The following ZBTB16 variants were observed in gnomAD, a reference collection of about 807,000 sequenced individuals.
ZBTB16 encodes zinc finger and BTB domain containing 16, also known as zinc finger and BTB domain-containing protein 16.
ZBTB16 carries 8 observed loss-of-function variants against 56.8 expected under a neutral mutation model. That is an observed-to-expected ratio of 0.14 (90% CI 0.08 to 0.25). The LOEUF (loss-of-function observed/expected upper bound fraction) is 0.25, where lower values mean the gene tolerates loss of function less well. Ranked by LOEUF, ZBTB16 falls within the 10% of genes least tolerant of loss-of-function variation. The probability of loss-of-function intolerance (pLI) is 1.00; values close to 1 mark genes in which losing one functional copy is unlikely to be tolerated. For missense variants in ZBTB16, 625 were observed against 903.0 expected, an observed-to-expected ratio of 0.69 and a Z score of 3.95; for synonymous variants, 363 against 368.5, an observed-to-expected ratio of 0.98 and a Z score of 0.17.
intron 2 of ZBTB16, among the ~76,000 whole-genome samples, chr11:114,131,256 A>G (rs937488448): frequency 6.6e-6 from 1 of 152,118 alleles, no homozygotes; most frequent in Non-Finnish European, 1.5e-5. Flanking sequence ...TGAATTTCCT[A>G]TCGTGAACAG....
At chr11:114,237,536 G>C (rs1485554721) in intron 4 of ZBTB16, among the ~76,000 whole-genome samples, 2 of 152,182 alleles carry the variant, frequency 1.3e-5, no homozygotes, top group Non-Finnish European at 2.9e-5. Flanking sequence ...AGTGCTGCCG[G>C]GCCCCCCTGC....
chr11:114,202,471 A>C (rs1021651156), intron 4 of ZBTB16, among the ~76,000 whole-genome samples: 1 of 152,108 alleles, frequency 6.6e-6, no homozygotes, highest in African/African-American at 2.4e-5. Flanking sequence ...CTTCTGTGTG[A>C]CCTGGGCGAG....
intron 4 of ZBTB16, among the ~76,000 whole-genome samples, chr11:114,233,111 ACACACACACACACACT>A (rs1468848687): frequency 6.6e-4 from 46 of 69,512 alleles, no homozygotes; most frequent in African/African-American, 1.8e-3. Context: ...ACACACACAC[ACACACACACACACACT>A]CTCTCTCTCT....
intron 2 of ZBTB16, among the ~76,000 whole-genome samples, chr11:114,085,191 C>T (rs377005944): frequency 6.6e-5 from 10 of 152,188 alleles, no homozygotes; most frequent in African/African-American, 2.2e-4. Context: ...CATGGACAAA[C>T]GTACCTCAAA....
At chr11:114,156,087 C>G (rs1942401256) in intron 2 of ZBTB16, among the ~76,000 whole-genome samples, 1 of 152,224 alleles carries the variant, frequency 6.6e-6, no homozygotes. Flanking sequence ...GATTTTTTTT[C>G]TTGGTCCATG....
intron 2 of ZBTB16, among the ~76,000 whole-genome samples, 173 bp from the exon 3 acceptor site, chr11:114,156,164 A>G (rs1942403413): frequency 6.6e-6 from 1 of 152,204 alleles, no homozygotes; most frequent in African/African-American, 2.4e-5. Context: ...CCCTGGGCAG[A>G]GGGCGTGATT....
intron 2 of ZBTB16, among the ~76,000 whole-genome samples, chr11:114,091,050 G>A (rs1379415121): frequency 6.6e-6 from 1 of 152,202 alleles, no homozygotes; most frequent in African/African-American, 2.4e-5. Context: ...CGCAGACTAA[G>A]GCAATTAACC....
intron 3 of ZBTB16, among the ~76,000 whole-genome samples, chr11:114,159,860 T>G (rs1305438187): frequency 6.7e-6 from 1 of 148,186 alleles, no homozygotes; most frequent in African/African-American, 2.6e-5. Flanking sequence ...GTAGACCCAT[T>G]TTACAGATGA....
chr11:114,215,890 C>T (rs1428964565), intron 4 of ZBTB16, among the ~76,000 whole-genome samples: 4 of 152,146 alleles, frequency 2.6e-5, no homozygotes, highest in Non-Finnish European at 5.9e-5. Context: ...CTGCAATAGT[C>T]AGGGGCAGGA....
intron 5 of ZBTB16, 67 bp from the exon 6 acceptor site, chr11:114,247,131 G>A: frequency 6.2e-7 from 1 of 1,608,426 alleles, no homozygotes; most frequent in Non-Finnish European, 8.5e-7. Context: ...CACAGAATGT[G>A]CCCTACTGTC....
intron 4 of ZBTB16, among the ~76,000 whole-genome samples, chr11:114,216,811 A>G (rs890841014): frequency 1.3e-5 from 2 of 152,210 alleles, no homozygotes; most frequent in South Asian, 2.1e-4. Context: ...CATATCTACT[A>G]TGTGCTTAAA....
intron 2 of ZBTB16, among the ~76,000 whole-genome samples, chr11:114,116,038 T>C (rs1266611199): frequency 1.3e-5 from 2 of 152,222 alleles, no homozygotes; most frequent in African/African-American, 4.8e-5. Flanking sequence ...GGTTGTCTTT[T>C]ATTTGCAAGA....
At chr11:114,136,907 T>A (rs954334306) in intron 2 of ZBTB16, among the ~76,000 whole-genome samples, 7 of 152,192 alleles carry the variant, frequency 4.6e-5, no homozygotes, top group African/African-American at 1.7e-4. Context: ...ACATGTCCTA[T>A]ACTCACACTT....
intron 2 of ZBTB16, among the ~76,000 whole-genome samples, chr11:114,101,969 A>T (rs1940624064): frequency 6.6e-6 from 1 of 152,202 alleles, no homozygotes; most frequent in Non-Finnish European, 1.5e-5. Flanking sequence ...ATGAAATTGG[A>T]TGTGGCTCTA....
At position 114,063,700 on chromosome 11, in the gene ZBTB16, G is replaced by A. The variant is rs778683444; in HGVS notation, c.400G>A (p.Glu134Lys). 6.2e-7 allele frequency: 1 copy of A among 1,614,068 alleles called. No individual in the cohort carries two copies. Among genetic ancestry groups the A allele is most frequent in the Non-Finnish European group, 8.5e-7 (1 of 1,180,042 alleles). The change falls in exon 2 of 7, where the codon GAG becomes AAG. Residue 134 changes from glutamate (E) to lysine (K), a missense_variant. By Grantham distance (56) the Glu-to-Lys change is moderately conservative (BLOSUM62 1). Around this residue, in one of 6 missense-constraint regions of ZBTB16, gnomAD observed 384 missense variants for 393.5 expected, o/e 0.98. Transcript: ENST00000335953. This position sits in a 1 kb window ranked among gnomAD's most constrained non-coding sequence, Gnocchi z 6.5. ...TIQASDDNDT[E>K]ATMADGGAEE... Reference sequence around the variant, plus strand: ...CCAGGCCTCAGACGACAATGACACGGAGGCCACCATGGCCGATGGCGGGGC... The same window carrying A: ...CCAGGCCTCAGACGACAATGACACGAAGGCCACCATGGCCGATGGCGGGGC...
intron 2 of ZBTB16, among the ~76,000 whole-genome samples, chr11:114,116,276 T>G (rs1407821773): frequency 1.3e-5 from 2 of 152,212 alleles, no homozygotes; most frequent in African/African-American, 4.8e-5. Flanking sequence ...CATGACTTTA[T>G]GAAATTTTAA....
chr11:114,089,988 T>G (rs1940124757), intron 2 of ZBTB16, among the ~76,000 whole-genome samples: 1 of 152,264 alleles, frequency 6.6e-6, no homozygotes, highest in South Asian at 2.1e-4. Context: ...TGGCTGCTCT[T>G]GCTTGCTGCT....
chr11:114,146,686 A>T (rs954462641), intron 2 of ZBTB16, among the ~76,000 whole-genome samples: 5 of 151,886 alleles, frequency 3.3e-5, no homozygotes, highest in South Asian at 2.1e-4. Flanking sequence ...GCTCTACTAA[A>T]AATTAAAAAA....
At chr11:114,076,660 A>G (rs1939579110) in intron 2 of ZBTB16, among the ~76,000 whole-genome samples, 1 of 139,194 alleles carries the variant, frequency 7.2e-6, no homozygotes, top group African/African-American at 2.6e-5. Flanking sequence ...GAAGGGATAA[A>G]GATGGTACCT....
Sources: allele counts gnomAD v4.1 joint callset (sites outside exome capture counted in the v4.1 genomes callset), GRCh38; gene constraint gnomAD v4.1.1; regional missense constraint gnomAD v4.1.1; non-coding constraint Gnocchi (gnomAD v3.1); transcripts MANE v1.5; gene names NCBI Gene and HGNC (gene_info 2026-07-23, HGNC 2026-07-21).